The following PLEKHA5 variants were observed in gnomAD, a reference collection of about 807,000 sequenced individuals.
The protein encoded by PLEKHA5 is pleckstrin homology domain-containing family A member 5.
Under a neutral mutation model 181.9 loss-of-function variants are expected in PLEKHA5, and 55 were observed. The ratio of observed to expected loss-of-function variants is 0.30; its 90% confidence interval spans 0.24 to 0.38. The LOEUF is 0.38. PLEKHA5 is among the 10% of genes least tolerant of loss of function. The probability of loss-of-function intolerance (pLI) is 1.00; values close to 1 mark genes in which losing one functional copy is unlikely to be tolerated. For synonymous variants in PLEKHA5, 535 were observed against 529.4 expected (o/e 1.01, Z -0.15); for missense variants, 1,432 against 1,549.5 (o/e 0.92, Z 1.27).
intron 3 of PLEKHA5, among the ~76,000 whole-genome samples, chr12:19,147,596 CTTTTTT>C (rs71064060): frequency 1.5e-5 from 2 of 137,612 alleles, no homozygotes; most frequent in Admixed American, 7.2e-5. Flanking sequence ...TTTCTTTTTT[CTTTTTT>C]TTTTTTTTTG....
chr12:19,293,178 A>T (rs919736387), intron 15 of PLEKHA5, among the ~76,000 whole-genome samples: 3 of 152,196 alleles, frequency 2.0e-5, no homozygotes, highest in Non-Finnish European at 4.4e-5. Context: ...TTTCATATTT[A>T]TATTTGCCTG....
At chr12:19,285,336 T>C (rs1030432523) in intron 12 of PLEKHA5, among the ~76,000 whole-genome samples, 5 of 152,226 alleles carry the variant, frequency 3.3e-5, no homozygotes, top group African/African-American at 4.8e-5. Flanking sequence ...ATATCATCTG[T>C]TTCGACAGCA....
intron 3 of PLEKHA5, among the ~76,000 whole-genome samples, chr12:19,217,383 T>G (rs1439920856): frequency 6.6e-6 from 1 of 152,108 alleles, no homozygotes; most frequent in Admixed American, 6.6e-5. Flanking sequence ...CAAGGAGTAA[T>G]GGAAAGGCTA....
intron 3 of PLEKHA5, among the ~76,000 whole-genome samples, chr12:19,164,205 T>C (rs866022753): frequency 6.8e-6 from 1 of 146,842 alleles, no homozygotes; most frequent in African/African-American, 2.5e-5. Flanking sequence ...TTGTTTTTTT[T>C]TTTTTTTTTT....
chr12:19,219,544 A>G (rs1180643470), intron 3 of PLEKHA5, among the ~76,000 whole-genome samples: 1 of 150,984 alleles, frequency 6.6e-6, no homozygotes, highest in African/African-American at 2.4e-5. Flanking sequence ...TCTTCCCTTG[A>G]ATTGGCAATC....
At chr12:19,169,920 A>T (rs1378491874) in intron 3 of PLEKHA5, among the ~76,000 whole-genome samples, 1 of 152,140 alleles carries the variant, frequency 6.6e-6, no homozygotes, top group African/African-American at 2.4e-5. Flanking sequence ...CTGATTCCCG[A>T]CTCAATGGTG....
chr12:19,309,071 G>GA (rs1234615013), intron 15 of PLEKHA5, among the ~76,000 whole-genome samples: 40 of 151,514 alleles, frequency 2.6e-4, no homozygotes, highest in Non-Finnish European at 5.5e-4. Context: ...CAAAAAAAAA[G>GA]AAAAAAAGAG....
intron 9 of PLEKHA5, 77 bp downstream of exon 9, chr12:19,269,962 AGTACATATCATT>A (rs2072071211): frequency 1.3e-6 from 1 of 765,122 alleles, no homozygotes; most frequent in Non-Finnish European, 2.2e-6. Flanking sequence ...TCACTGTCAT[AGTACATATCATT>A]TTAATAGTCA....
At chr12:19,363,342 T>G (rs1014702937) in intron 29 of PLEKHA5, among the ~76,000 whole-genome samples, 15 of 151,526 alleles carry the variant, frequency 9.9e-5, no homozygotes, top group East Asian at 5.8e-4. Context: ...ATTTTTTTTT[T>G]TATTTTTAGT....
chr12:19,140,189 A>C (rs2036846871), intron 3 of PLEKHA5, among the ~76,000 whole-genome samples: 1 of 152,254 alleles, frequency 6.6e-6, no homozygotes, highest in South Asian at 2.1e-4. Flanking sequence ...AGAATGTCAA[A>C]GTAAACAATA....
chr12:19,137,282 C>T (rs1211290491), intron 3 of PLEKHA5, among the ~76,000 whole-genome samples: 1 of 152,142 alleles, frequency 6.6e-6, no homozygotes, highest in African/African-American at 2.4e-5. Context: ...GGTGATCCGC[C>T]CACCTCGGCG....
intron 6 of PLEKHA5, among the ~76,000 whole-genome samples, chr12:19,260,302 C>G (rs577375851): frequency 4.6e-5 from 7 of 152,176 alleles, no homozygotes; most frequent in African/African-American, 1.7e-4. Context: ...TCTGGTTTAC[C>G]AGAACACATG....
At chr12:19,314,294 T>G (rs982763703) in intron 15 of PLEKHA5, among the ~76,000 whole-genome samples, 1 of 152,030 alleles carries the variant, frequency 6.6e-6, no homozygotes, top group Non-Finnish European at 1.5e-5. Flanking sequence ...CAAAATAGAG[T>G]CTCTATAAAT....
chr12:19,320,697 A>G, intron 18 of PLEKHA5, 73 bp downstream of exon 18: 1 of 674,920 alleles, frequency 1.5e-6, no homozygotes, highest in South Asian at 2.3e-5. Flanking sequence ...AATAAGCATG[A>G]CCAAAAAACT....
chr12:19,213,946 C>T (rs561736326), intron 3 of PLEKHA5, among the ~76,000 whole-genome samples: 14 of 152,082 alleles, frequency 9.2e-5, no homozygotes, highest in East Asian at 1.9e-4. Flanking sequence ...GGATATAGGG[C>T]TGTACACAAC....
chr12:19,361,722 A>G lies in PLEKHA5; in HGVS notation c.3608+16A>G, dbSNP rs2095249493. ...TTACATTCAGGTAATATTTAAGAAA[A>G]GCAAAGGAATCATTCACAAAACTGT... On this transcript the variant is annotated intron_variant, in intron 29 of 31. Transcript: ENST00000429027. The G allele has an allele frequency of 1.3e-6, 2 of 1,586,130 alleles. No individual in the cohort carries two copies. Among genetic ancestry groups the G allele is most frequent in the South Asian group, 1.2e-5 (1 of 85,730 alleles).
rs1431430488 is a variant in PLEKHA5 at position 19,375,747 on chromosome 12, C to G, written c.*228C>G. Reference sequence around the variant, plus strand: ...TAATCTCAAGGTTATTATTCTGACACCAGCTTGCTGCTATGATTTCAGAGC... The same window carrying G: ...TAATCTCAAGGTTATTATTCTGACAGCAGCTTGCTGCTATGATTTCAGAGC... On this transcript the variant is annotated 3_prime_UTR_variant, in exon 32 of 32. Coordinates refer to ENST00000429027, the MANE Select transcript of PLEKHA5 (RefSeq NM_001256470.2). The G allele has an allele frequency of 3.3e-5, 5 of 152,562 alleles. No homozygotes were observed. Among genetic ancestry groups the G allele is most frequent in the Non-Finnish European group, 5.9e-5 (4 of 68,040 alleles). 9.5% of individuals were successfully genotyped at this position (152,562 alleles called of 1,614,324 possible).
intron 6 of PLEKHA5, among the ~76,000 whole-genome samples, chr12:19,258,561 C>CTTTTTTTTTTCTTTTTCTT (rs2067464975): frequency 8.1e-6 from 1 of 123,798 alleles, no homozygotes; most frequent in South Asian, 2.5e-4. Context: ...TTTTCTTTTT[C>CTTTTTTTTTTCTTTTTCTT]TTTTTTTTTT....
intron 3 of PLEKHA5, among the ~76,000 whole-genome samples, chr12:19,250,169 G>C (rs1194625637): frequency 1.3e-5 from 2 of 152,184 alleles, no homozygotes; most frequent in Non-Finnish European, 2.9e-5. Flanking sequence ...AAGTCTGGAA[G>C]TAAGAGTAGG....
Sources: allele counts gnomAD v4.1 joint callset (sites outside exome capture counted in the v4.1 genomes callset), GRCh38; gene constraint gnomAD v4.1.1; transcripts MANE v1.5; gene names NCBI Gene and HGNC (gene_info 2026-07-23, HGNC 2026-07-21).